The following CCT8 variants were observed in gnomAD, a reference collection of about 807,000 sequenced individuals.
The protein encoded by CCT8 is T-complex protein 1 subunit theta.
A neutral mutation model predicts 65.7 loss-of-function variants in CCT8; 10 were observed. That is an observed-to-expected ratio of 0.15 (90% CI 0.09 to 0.26). The LOEUF (loss-of-function observed/expected upper bound fraction) is 0.26, where lower values mean the gene tolerates loss of function less well. Ranked by LOEUF, CCT8 falls within the 10% of genes least tolerant of loss-of-function variation. The pLI is 1.00. For missense variants in CCT8, 568 were observed against 669.1 expected (o/e 0.85, Z 1.67); for synonymous variants, 199 against 221.8 (o/e 0.90, Z 0.92).
In CCT8 at chr21:29,056,537, GT is replaced by G; in HGVS notation, c.1584del (p.Lys528AsnfsTer51). On this transcript the variant is annotated frameshift_variant, in exon 15 of 15. Coordinates refer to ENST00000286788, the MANE Select transcript of CCT8 (RefSeq NM_006585.4). LOFTEE classifies it high-confidence loss of function. The part of the protein sequence containing the change: ...VLRVDQIIMA[K>X]PAGGPKPPSG... The stretch of plus-strand genomic sequence containing the variant: ...CTTGGAGGCTTGGGCCCACCAGCTG[GT>G]TTTGCCATGATGATCTGCATAAAAA... 1 of 1,557,240 alleles carries G rather than the reference GT, an allele frequency of 6.4e-7. No individual in the cohort carries two copies. Among genetic ancestry groups the G allele is most frequent in the Non-Finnish European group, 8.7e-7 (1 of 1,151,810 alleles).
chr21:29,066,835 A>G, intron 5 of CCT8, 56 bp downstream of exon 5: 1 of 1,573,898 alleles, frequency 6.4e-7, no homozygotes, highest in Non-Finnish European at 8.7e-7. Flanking sequence ...GAAAGTATCT[A>G]GTCATGTTAA....
chr21:29,068,918 G>T (rs1207543951), intron 3 of CCT8, among the ~76,000 whole-genome samples: 1 of 152,208 alleles, frequency 6.6e-6, no homozygotes, highest in Admixed American at 6.5e-5. Flanking sequence ...CGGGAATGAG[G>T]AATGGCTCTC....
chr21:29,063,234 G>T, intron 8 of CCT8, 118 bp downstream of exon 8: 1 of 723,456 alleles, frequency 1.4e-6, no homozygotes, highest in South Asian at 1.9e-5. Context: ...TCTGCTATTT[G>T]ACCTAGTACC....
chr21:29,070,523 C>G (rs2085669584), intron 1 of CCT8, among the ~76,000 whole-genome samples, 186 bp from the exon 2 acceptor site: 1 of 152,124 alleles, frequency 6.6e-6, no homozygotes, highest in African/African-American at 2.4e-5. Flanking sequence ...GGGCAATTTT[C>G]TTAACATTTC....
chr21:29,071,915 T>C (rs1466926500), intron 1 of CCT8: 1 of 701,770 alleles, frequency 1.4e-6, no homozygotes, highest in Admixed American at 2.0e-5. Context: ...AGGCCCTACG[T>C]ATCCCGGCCC....
chr21:29,060,955 T>C lies in CCT8; in HGVS notation c.1450-295A>G, dbSNP rs117015748. 2.1e-4 allele frequency among the ~76,000 whole-genome samples: 32 copies of C among 152,320 alleles called. No individual in the cohort carries two copies. In the East Asian group the frequency reaches 4.8e-3, roughly 23 times the overall value. The stretch of plus-strand genomic sequence containing the variant: ...GATTAATTATATAACATAGTGTAAA[T>C]AGTTGTTATAGTGTATTTTTAAATG... On this transcript the variant is annotated intron_variant, in intron 13 of 14. Coordinates refer to ENST00000286788, the MANE Select transcript of CCT8 (RefSeq NM_006585.4).
intron 2 of CCT8, among the ~76,000 whole-genome samples, chr21:29,069,712 A>T (rs555869860): frequency 6.6e-6 from 1 of 152,196 alleles, no homozygotes; most frequent in Non-Finnish European, 1.5e-5. Context: ...TTCCCTTTCT[A>T]ATGTCCTACA....
chr21:29,060,369 A>G (rs145169393), intron 14 of CCT8, among the ~76,000 whole-genome samples, 172 bp downstream of exon 14: 67 of 152,306 alleles, frequency 4.4e-4, no homozygotes, highest in African/African-American at 1.3e-3. Flanking sequence ...TATATATTCA[A>G]TACAATTTAT....
At chr21:29,058,387 G>A (rs1020691406) in intron 14 of CCT8, among the ~76,000 whole-genome samples, 2 of 151,884 alleles carry the variant, frequency 1.3e-5, no homozygotes, top group East Asian at 4.0e-4. Flanking sequence ...GTTGCAGTAA[G>A]CTGAGATCAC....
intron 1 of CCT8, 82 bp downstream of exon 1, chr21:29,073,449 G>A (rs1329490106): frequency 1.8e-5 from 29 of 1,605,796 alleles, no homozygotes; most frequent in South Asian, 3.3e-5. Flanking sequence ...CGCTCAGCCC[G>A]TTAGTAGGCC....
Position 29,062,351 on chromosome 21 carries a change from G to A in CCT8, c.1073C>T (p.Thr358Ile), listed in dbSNP as rs1398401816. The A allele has an allele frequency of 3.1e-6, 5 of 1,613,632 alleles. No individual in the cohort carries two copies. Among genetic ancestry groups the A allele is most frequent in the Non-Finnish European group, 4.2e-6 (5 of 1,179,712 alleles). ...ACCATGCTTAAAAACCACCACCTGA[G>A]TATCTCCAACTTCTGAGAGGTAAAC... ...DSVYLSEVGDTQVVVFKHEKE... is the reference protein window; with the variant it reads ...DSVYLSEVGDIQVVVFKHEKE... Residue 358 changes from threonine to isoleucine, a missense_variant, in exon 10 of 15, where the codon ACT (threonine) becomes ATT (isoleucine). Transcript: ENST00000286788.
intron 11 of CCT8, 34 bp downstream of exon 11, chr21:29,062,094 C>T (rs1449143824): frequency 1.4e-6 from 2 of 1,414,722 alleles, no homozygotes; most frequent in Non-Finnish European, 2.0e-6. Flanking sequence ...TTACTCAGAC[C>T]TTACAAACTA....
chr21:29,064,236 C>T (rs182771761), intron 7 of CCT8, among the ~76,000 whole-genome samples: 17 of 150,986 alleles, frequency 1.1e-4, no homozygotes, highest in Admixed American at 9.2e-4. Flanking sequence ...GAGGCCAAGG[C>T]GGGTGGATCA....
chr21:29,058,556 G>C (rs563767869), intron 14 of CCT8, among the ~76,000 whole-genome samples: 1 of 152,034 alleles, frequency 6.6e-6, no homozygotes, highest in African/African-American at 2.4e-5. Flanking sequence ...TCTGATATTG[G>C]TGGGTCTGGA....
At position 29,066,706 on chromosome 21, in the gene CCT8, T is replaced by C. The variant is rs1329456815; in HGVS notation, c.624+10A>G. ...CCTAGATATGTAGCATTAATGCATTTTCTACTTACCAGAATTTTACAAACT... is the reference window on the plus strand; with the variant it reads ...CCTAGATATGTAGCATTAATGCATTCTCTACTTACCAGAATTTTACAAACT... On this transcript the variant is annotated intron_variant, in intron 6 of 14. Transcript: ENST00000286788. 2 of 1,587,258 alleles carry C rather than the reference T, an allele frequency of 1.3e-6. No homozygotes were observed. Among genetic ancestry groups the C allele is most frequent in the East Asian group, 2.2e-5 (1 of 44,602 alleles).
intron 1 of CCT8, chr21:29,073,181 C>A (rs2085702373): frequency 3.6e-6 from 3 of 836,780 alleles, no homozygotes; most frequent in Non-Finnish European, 4.5e-6. Context: ...ATTTCATCTA[C>A]GTTATTCAAT....
intron 8 of CCT8, chr21:29,062,887 A>G (rs1348929727): frequency 2.7e-6 from 1 of 365,084 alleles, no homozygotes; most frequent in Non-Finnish European, 5.0e-6. Context: ...TCAACAGCAT[A>G]TAGAAAATTT....
rs1189880939 is a variant in CCT8, at chr21:29,059,877, CAT to C, written c.1569+662_1569+663del. The stretch of plus-strand genomic sequence containing the variant: ...AGGACTTACTCCACCTTTAATATGA[CAT>C]ATGACTTTTACCTAATGGATGTATA... On this transcript the variant is annotated intron_variant, in intron 14 of 14. Coordinates refer to ENST00000286788, the MANE Select transcript of CCT8 (RefSeq NM_006585.4). 2.0e-5 allele frequency: 3 copies of C among 152,138 alleles called. 1 individual carries two copies. Among genetic ancestry groups the C allele is most frequent in the Admixed American group, 2.0e-4 (3 of 15,280 alleles). The allele number at this position is 152,138 out of a possible 1,614,324, so 9.4% of individuals were successfully genotyped here.
At chr21:29,057,871 C>T (rs529411436) in intron 14 of CCT8, among the ~76,000 whole-genome samples, 15 of 151,158 alleles carry the variant, frequency 9.9e-5, no homozygotes, top group African/African-American at 3.6e-4. Context: ...ATATCTCAGC[C>T]AACCATGACA....
Sources: gnomAD v4.1 joint callset for allele counts (sites outside exome capture counted in the v4.1 genomes callset) on GRCh38, gnomAD v4.1.1 for gene constraint, MANE v1.5 for transcripts, NCBI Gene and HGNC (gene_info 2026-07-23, HGNC 2026-07-21) for gene names.